NXPH1: variants seen among roughly 807,000 people sequenced by gnomAD.
NXPH1 encodes the protein neurexophilin-1.
In NXPH1, 5 loss-of-function variants were observed where a neutral mutation model predicts 23.7. That is an observed-to-expected ratio of 0.21 (90% CI 0.11 to 0.44). The LOEUF is 0.44. Ranked by LOEUF, NXPH1 falls within the 20% of genes least tolerant of loss-of-function variation. The probability of loss-of-function intolerance (pLI) is 0.99; values close to 1 mark genes in which losing one functional copy is unlikely to be tolerated. For synonymous variants in NXPH1, 144 were observed against 122.2 expected (o/e 1.18, Z -1.18); for missense variants, 324 against 321.6 (o/e 1.01, Z -0.06).
At chr7:8,676,405 G>A (rs889058453) in intron 2 of NXPH1, among the ~76,000 whole-genome samples, 1 of 152,018 alleles carries the variant, frequency 6.6e-6, no homozygotes, top group African/African-American at 2.4e-5. Flanking sequence ...CCACCTGAGG[G>A]CCCCAAATCA....
At chr7:8,595,743 A>G (rs7778790) in intron 2 of NXPH1, among the ~76,000 whole-genome samples, 66,238 of 151,706 alleles carry the variant, frequency 0.44, 17,029 homozygotes, top group African/African-American at 0.73. Flanking sequence ...GTGCGTGTGC[A>G]TGTGCGCTTC....
chr7:8,535,548 C>T (rs1291081055), intron 2 of NXPH1, among the ~76,000 whole-genome samples: 3 of 151,568 alleles, frequency 2.0e-5, no homozygotes, highest in Non-Finnish European at 4.4e-5. Flanking sequence ...AAAAAAAATC[C>T]AGACAAACCA....
intron 2 of NXPH1, among the ~76,000 whole-genome samples, chr7:8,511,824 C>A (rs929973087): frequency 6.6e-6 from 1 of 152,118 alleles, no homozygotes; most frequent in Non-Finnish European, 1.5e-5. Context: ...CAATTTCAGT[C>A]CTGGTGCAGG....
At chr7:8,648,014 A>G (rs989091802) in intron 2 of NXPH1, among the ~76,000 whole-genome samples, 2 of 152,094 alleles carry the variant, frequency 1.3e-5, no homozygotes, top group Non-Finnish European at 2.9e-5. Flanking sequence ...CCTTTTTAAA[A>G]TAAACTTTTA....
chr7:8,553,721 C>T (rs543869031), intron 2 of NXPH1, among the ~76,000 whole-genome samples: 1 of 151,502 alleles, frequency 6.6e-6, no homozygotes, highest in Non-Finnish European at 1.5e-5. Context: ...AATGCATCAC[C>T]AAGTCCCATC....
intron 2 of NXPH1, among the ~76,000 whole-genome samples, chr7:8,658,482 G>T (rs2115159447): frequency 6.6e-6 from 1 of 152,230 alleles, no homozygotes; most frequent in South Asian, 2.1e-4. Flanking sequence ...CAGGCTCCAA[G>T]GAAACTTGCT....
intron 2 of NXPH1, among the ~76,000 whole-genome samples, chr7:8,504,361 T>C (rs1276038981): frequency 6.6e-6 from 1 of 152,058 alleles, no homozygotes; most frequent in Non-Finnish European, 1.5e-5. Context: ...TATAATTGTA[T>C]TTTTTTCAGT....
chr7:8,641,976 C>T (rs184709342), intron 2 of NXPH1, among the ~76,000 whole-genome samples: 1 of 152,274 alleles, frequency 6.6e-6, no homozygotes. Context: ...CCTTTGGAGA[C>T]ATTCCTGGAG....
At chr7:8,562,125 C>T (rs1293998113) in intron 2 of NXPH1, among the ~76,000 whole-genome samples, 2 of 151,666 alleles carry the variant, frequency 1.3e-5, no homozygotes, top group Non-Finnish European at 3.0e-5. Flanking sequence ...TATTTTATTA[C>T]CATTTTACAG....
chr7:8,518,361 GTTA>G (rs1320864601), intron 2 of NXPH1, among the ~76,000 whole-genome samples: 1 of 151,958 alleles, frequency 6.6e-6, no homozygotes, highest in African/African-American at 2.4e-5. Flanking sequence ...CAACAACATA[GTTA>G]TTATGTCTCA....
chr7:8,543,346 A>C (rs573427372), intron 2 of NXPH1, among the ~76,000 whole-genome samples: 6 of 151,732 alleles, frequency 4.0e-5, no homozygotes, highest in African/African-American at 1.4e-4. Flanking sequence ...TATTATTCTG[A>C]TGTGTCACTT....
chr7:8,684,337 G>T (rs578147227), intron 2 of NXPH1, among the ~76,000 whole-genome samples: 2 of 152,182 alleles, frequency 1.3e-5, no homozygotes, highest in East Asian at 1.9e-4. Context: ...ATGGTATCCT[G>T]GCCTTGAAAC....
At chr7:8,691,552 T>C (rs912453385) in intron 2 of NXPH1, among the ~76,000 whole-genome samples, 1 of 152,216 alleles carries the variant, frequency 6.6e-6, no homozygotes, top group Non-Finnish European at 1.5e-5. Context: ...TGAATTATAA[T>C]AAAATATTTT....
intron 2 of NXPH1, among the ~76,000 whole-genome samples, chr7:8,536,569 TA>T (rs1246162278): frequency 6.6e-6 from 1 of 151,156 alleles, no homozygotes; most frequent in Non-Finnish European, 1.5e-5. Flanking sequence ...AGCTCAGCTA[TA>T]AACTACAGAA....
At chr7:8,742,384 A>G (rs947313319) in intron 2 of NXPH1, among the ~76,000 whole-genome samples, 2 of 152,198 alleles carry the variant, frequency 1.3e-5, no homozygotes, top group Non-Finnish European at 2.9e-5. Context: ...AAAACAATGT[A>G]ATAATTAAGG....
chr7:8,448,288 C>T (rs747125991), intron 2 of NXPH1, among the ~76,000 whole-genome samples: 30 of 152,168 alleles, frequency 2.0e-4, no homozygotes, highest in Non-Finnish European at 3.8e-4. Context: ...CAATGATGAA[C>T]TAACAAAGAA....
intron 2 of NXPH1, among the ~76,000 whole-genome samples, chr7:8,438,552 C>T (rs150974178): frequency 6.6e-6 from 1 of 152,354 alleles, no homozygotes; most frequent in Non-Finnish European, 1.5e-5. Flanking sequence ...GCACCTTGAC[C>T]TTTAAGCCCA....
chr7:8,520,754 A>G (rs1817758632), intron 2 of NXPH1, among the ~76,000 whole-genome samples: 1 of 152,164 alleles, frequency 6.6e-6, no homozygotes, highest in African/African-American at 2.4e-5. Context: ...TATCTAAGGT[A>G]GCTCAGGAGA....
Position 8,642,813 on chromosome 7 carries a change from G to C in NXPH1, c.55-108195G>C, listed in dbSNP as rs116522214. ...CACTTTCACTGACTTTAATGGGAAA[G>C]TTCTTAATGTTTTACTATGGATGTC... On this transcript the variant is annotated intron_variant, in intron 2 of 2. Coordinates refer to ENST00000405863, the MANE Select transcript of NXPH1 (RefSeq NM_152745.3). 2.2e-3 allele frequency among the ~76,000 whole-genome samples: 339 copies of C among 151,874 alleles called. 1 individual carries two copies. The highest frequency in any genetic ancestry group is 7.8e-3 in the African/African-American group (323 of 41,452).
Sources: gnomAD v4.1 joint callset for allele counts (sites outside exome capture counted in the v4.1 genomes callset) on GRCh38, gnomAD v4.1.1 for gene constraint, MANE v1.5 for transcripts, NCBI Gene and HGNC (gene_info 2026-07-23, HGNC 2026-07-21) for gene names.